The following YRDC variants were observed in gnomAD, a reference collection of about 807,000 sequenced individuals.
YRDC encodes the protein yrdC N6-threonylcarbamoyltransferase domain containing.
A neutral mutation model predicts 21.5 loss-of-function variants in YRDC; 17 were observed. That is an observed-to-expected ratio of 0.79 (90% CI 0.54 to 1.19). YRDC has a LOEUF of 1.19. Among genes scored for constraint, YRDC ranks in the 50% most tolerant of loss-of-function variants. The pLI, the probability that YRDC is intolerant of heterozygous loss-of-function variation, is 0.00. For synonymous variants in YRDC, 193 were observed against 176.7 expected (o/e 1.09, Z -0.73); for missense variants, 380 against 397.1 (o/e 0.96, Z 0.37).
chr1:37,804,911 A>G (rs1646724775), intron 3 of YRDC, among the ~76,000 whole-genome samples: 2 of 152,350 alleles, frequency 1.3e-5, no homozygotes, highest in South Asian at 4.1e-4. Context: ...CAGGACTAGG[A>G]TGATCTTTTC....
chr1:37,803,241 C>A lies in YRDC; in HGVS notation c.*684G>T, dbSNP rs1279122041. The A allele has an allele frequency of 6.6e-6, 1 of 152,234 alleles. No homozygotes were observed. The highest frequency in any genetic ancestry group is 1.5e-5 in the Non-Finnish European group (1 of 68,060). The allele number at this position is 152,234 out of a possible 1,614,324, so 9.4% of individuals were successfully genotyped here. A position where few individuals can be genotyped will look rare whatever the true frequency, so the allele number is the denominator to read the frequency against. ...CCACTATTACACCAAAAAGACTGCT[C>A]TCCCTGCGAGCAATTACAATACATG... On this transcript the variant is annotated 3_prime_UTR_variant, in exon 5 of 5. Transcript: ENST00000373044.
chr1:37,803,994 G>A lies in YRDC; in HGVS notation c.771C>T (p.Ala257=). ...GKFGIIRPGC[A]LESTTAILQQ... is the part of the protein sequence containing the mutation. ...GGAGGATGGCTGTAGTACTTTCCAG[G>A]GCACTGAGGAGGAAACAGGACAGTT... The change falls in exon 5 of 5, where the codon GCC becomes GCT. Residue 257 remains alanine, a synonymous_variant. Transcript: ENST00000373044. 6.2e-7 allele frequency: 1 copy of A among 1,614,158 alleles called. No individual in the cohort carries two copies. Among genetic ancestry groups the A allele is most frequent in the Non-Finnish European group, 8.5e-7 (1 of 1,180,022 alleles).
chr1:37,807,804 G>A lies in YRDC; in HGVS notation c.377C>T (p.Ala126Val), dbSNP rs1646750980. 16 of 1,509,144 alleles carry A rather than the reference G, an allele frequency of 1.1e-5. No individual in the cohort carries two copies. The highest frequency in any genetic ancestry group is 1.4e-5 in the Non-Finnish European group (16 of 1,133,098). 93.5% of individuals were successfully genotyped at this position (1,509,144 alleles called of 1,614,324 possible). ...KPLAVCLGRV[A>V]DVYRYCRVRV... ...GGGGCGGCCTTACCTGTAGACGTCG[G>A]CCACGCGGCCGAGGCATACGGCCAG... Residue 126 changes from alanine (A) to valine (V), a missense_variant, in exon 1 of 5, where the codon GCC becomes GTC. Ala to Val is a moderately conservative substitution (Grantham distance 64). Around this residue, in one of 3 missense-constraint regions of YRDC, gnomAD observed 238 missense variants for 236.5 expected, o/e 1.01. Transcript: ENST00000373044.
Position 37,803,989 on chromosome 1 carries a change from T to G in YRDC, c.776A>C (p.Glu259Ala). 1 of 1,614,178 alleles carries G rather than the reference T, an allele frequency of 6.2e-7. No homozygotes were observed. Reference protein sequence around the residue: ...FGIIRPGCALESTTAILQQKY... With the variant: ...FGIIRPGCALASTTAILQQKY... ...CTGTTGGAGGATGGCTGTAGTACTT[T>G]CCAGGGCACTGAGGAGGAAACAGGA... The change falls in exon 5 of 5, where the codon GAA becomes GCA. Residue 259 changes from glutamate to alanine, a missense_variant. Coordinates refer to ENST00000373044, the MANE Select transcript of YRDC (RefSeq NM_024640.4).
intron 1 of YRDC, 55 bp from the exon 2 acceptor site, chr1:37,807,270 T>TTCAA: frequency 1.3e-6 from 2 of 1,499,948 alleles, no homozygotes; most frequent in Non-Finnish European, 9.3e-7. Context: ...CTGGTGGTCC[T>TTCAA]TTCCTAGACT....
chr1:37,805,985 T>C (rs1338394989), intron 3 of YRDC, among the ~76,000 whole-genome samples: 1 of 152,140 alleles, frequency 6.6e-6, no homozygotes, highest in Non-Finnish European at 1.5e-5. Flanking sequence ...TTTTACATCT[T>C]AGTAATAAGA....
Position 37,803,240 on chromosome 1 carries a change from T to A in YRDC, c.*685A>T, listed in dbSNP as rs1320084961. The A allele has an allele frequency of 6.6e-6, 1 of 152,146 alleles. No individual in the cohort carries two copies. Among genetic ancestry groups the A allele is most frequent in the Non-Finnish European group, 1.5e-5 (1 of 68,048 alleles). 9.4% of individuals were successfully genotyped at this position (152,146 alleles called of 1,614,324 possible). A position where few individuals can be genotyped will look rare whatever the true frequency, so the allele number is the denominator to read the frequency against. On this transcript the variant is annotated 3_prime_UTR_variant, in exon 5 of 5. Transcript: ENST00000373044. ...CCCACTATTACACCAAAAAGACTGC[T>A]CTCCCTGCGAGCAATTACAATACAT...
intron 1 of YRDC, chr1:37,807,496 T>C: frequency 1.7e-6 from 1 of 587,274 alleles, no homozygotes; most frequent in South Asian, 2.3e-5. Context: ...CTTCAAGGCA[T>C]TCGCTATTAA....
In YRDC at chr1:37,807,952, G is replaced by A. The variant is rs1163762267; in HGVS notation, c.229C>T (p.Leu77=). The part of the protein sequence containing the change: ...TEALRAAVAE[L]RAGAVVAVPT... ...ACGGCCACCACGGCGCCGGCGCGCA[G>A]CTCGGCCACGGCGGCCCGCAGCGCC... Residue 77 remains leucine (L), a synonymous_variant, in exon 1 of 5, where the codon CTG becomes TTG. Coordinates refer to ENST00000373044, the MANE Select transcript of YRDC (RefSeq NM_024640.4). 5 of 1,227,522 alleles carry A rather than the reference G, an allele frequency of 4.1e-6. No homozygotes were observed. Among genetic ancestry groups the A allele is most frequent in the Non-Finnish European group, 5.1e-6 (5 of 984,980 alleles). 76.0% of individuals were successfully genotyped at this position (1,227,522 alleles called of 1,614,324 possible).
chr1:37,803,598 A>G lies in YRDC; in HGVS notation c.*327T>C. 3.9e-6 allele frequency: 1 copy of G among 257,836 alleles called. No individual in the cohort carries two copies. Among genetic ancestry groups the G allele is most frequent in the South Asian group, 7.0e-5 (1 of 14,340 alleles). The allele number at this position is 257,836 out of a possible 1,614,324, so 16.0% of individuals were successfully genotyped here. A position where few individuals can be genotyped will look rare whatever the true frequency, so the allele number is the denominator to read the frequency against. On this transcript the variant is annotated 3_prime_UTR_variant, in exon 5 of 5. Transcript: ENST00000373044. ...AGAGGAGGCTCTCACTAGATTCTAA[A>G]TCTGTTATTTAATTACTTTTCAATT...
intron 3 of YRDC, among the ~76,000 whole-genome samples, chr1:37,805,738 G>A (rs1646729770): frequency 6.6e-6 from 1 of 152,164 alleles, no homozygotes; most frequent in South Asian, 2.1e-4. Context: ...TAAGAACCCT[G>A]AGCCCCACTC....
At position 37,804,411 on chromosome 1, in the gene YRDC, C is replaced by T. The variant is rs534091980; in HGVS notation, c.658G>A (p.Val220Ile). The T allele has an allele frequency of 2.1e-5, 34 of 1,613,934 alleles. No homozygotes were observed. In the Admixed American group the frequency reaches 4.3e-4, roughly 21 times the overall value. The stretch of plus-strand genomic sequence containing the variant: ...TCCCCAATTTGTCCCCCATCAATAA[C>T]CAAGGACAACTGAGGCCAGAGATCC... ...FQDLWPQLSL[V>I]IDGGQIGDGQ... Residue 220 changes from valine to isoleucine, a missense_variant, in exon 4 of 5, where the codon GTT (valine) becomes ATT (isoleucine). This residue lies in a region of YRDC where 238 missense variants were observed against 236.5 expected (regional missense o/e 1.01). Transcript: ENST00000373044.
chr1:37,807,111 G>C lies in YRDC; in HGVS notation c.494C>G (p.Pro165Arg). 1 of 1,614,166 alleles carries C rather than the reference G, an allele frequency of 6.2e-7. No individual in the cohort carries two copies. Among genetic ancestry groups the C allele is most frequent in the Non-Finnish European group, 8.5e-7 (1 of 1,180,032 alleles). ...GAAAACTTGACTCACAGGCGTAAAA[G>C]GGTTTAGGTCCTTGTTGAGCTCCTC... ...RSEELNKDLN[P>R]FTPLVGIRIP... is the part of the protein sequence containing the mutation. Residue 165 changes from proline (P) to arginine (R), a missense_variant, in exon 2 of 5, where the codon CCT (proline) becomes CGT (arginine). By Grantham distance (103) the Pro-to-Arg change is moderately radical. Around this residue, in one of 3 missense-constraint regions of YRDC, gnomAD observed 238 missense variants for 236.5 expected, o/e 1.01. Transcript: ENST00000373044.
In YRDC at chr1:37,807,882, G is replaced by C. The variant is rs1280940856; in HGVS notation, c.299C>G (p.Ser100Trp). The C allele has an allele frequency of 6.9e-7, 1 of 1,457,662 alleles. No homozygotes were observed. The highest frequency in any genetic ancestry group is 9.1e-7 in the Non-Finnish European group (1 of 1,103,058). 90.3% of individuals were successfully genotyped at this position (1,457,662 alleles called of 1,614,324 possible). ...LYGLACAASC[S>W]AALRAVYRLK... ...GCGGTACACAGCGCGCAGAGCCGCC[G>C]AGCAGCTCGCCGCGCAGGCCAGGCC... is the stretch of plus-strand genomic sequence containing the variant. The change falls in exon 1 of 5, where the codon TCG becomes TGG. Residue 100 changes from serine to tryptophan, a missense_variant. By Grantham distance (177) the Ser-to-Trp change is radical. Around this residue, in one of 3 missense-constraint regions of YRDC, gnomAD observed 238 missense variants for 236.5 expected, o/e 1.01. Coordinates refer to ENST00000373044, the MANE Select transcript of YRDC (RefSeq NM_024640.4).
rs140873604 is a variant in YRDC at position 37,803,930 on chromosome 1, G to A, written c.835C>T (p.Leu279=). Residue 279 remains leucine (L), a synonymous_variant, in exon 5 of 5, where the codon CTG becomes TTG. Transcript: ENST00000373044. ...CCTTCCTGCTTCCCAGAGTTTCACA[G>A]GTAGGACGCATGTGAGGGGAGCAGT... ...YGLLPSHASY[L] 9 of 1,613,986 alleles carry A rather than the reference G, an allele frequency of 5.6e-6. No homozygotes were observed. Among genetic ancestry groups the A allele is most frequent in the Admixed American group, 1.7e-5 (1 of 60,012 alleles).
chr1:37,806,781 C>T, intron 3 of YRDC, 76 bp downstream of exon 3: 1 of 1,601,238 alleles, frequency 6.2e-7, no homozygotes, highest in East Asian at 2.2e-5. Context: ...TCCCAGTGTA[C>T]TATCAATGCC....
chr1:37,803,947 G>A lies in YRDC; in HGVS notation c.818C>T (p.Pro273Leu). 1.2e-6 allele frequency: 2 copies of A among 1,614,140 alleles called. No homozygotes were observed. Among genetic ancestry groups the A allele is most frequent in the Non-Finnish European group, 1.7e-6 (2 of 1,180,028 alleles). Reference sequence around the variant, plus strand: ...GTTTCACAGGTAGGACGCATGTGAGGGGAGCAGTCCGTACTTCTGTTGGAG... The same window carrying A: ...GTTTCACAGGTAGGACGCATGTGAGAGGAGCAGTCCGTACTTCTGTTGGAG... ...AILQQKYGLL[P>L]SHASYL Residue 273 changes from proline (P) to leucine (L), a missense_variant, in exon 5 of 5, where the codon CCC becomes CTC. Around this residue, in one of 3 missense-constraint regions of YRDC, gnomAD observed 238 missense variants for 236.5 expected, o/e 1.01. Transcript: ENST00000373044.
At chr1:37,807,032 G>T in intron 2 of YRDC, 56 bp from the exon 3 acceptor site, 2 of 1,613,860 alleles carry the variant, frequency 1.2e-6, no homozygotes, top group Non-Finnish European at 1.7e-6. Context: ...AAGAGGGTAA[G>T]TCTTATCTGG....
chr1:37,807,098 C>T lies in YRDC; in HGVS notation c.504+3G>A, dbSNP rs1344224786. The stretch of plus-strand genomic sequence containing the variant: ...TGGGGACACAAGAGAAAACTTGACT[C>T]ACAGGCGTAAAAGGGTTTAGGTCCT... On this transcript the variant is annotated splice_donor_region_variant and intron_variant, in intron 2 of 4. Coordinates refer to ENST00000373044, the MANE Select transcript of YRDC (RefSeq NM_024640.4). The T allele has an allele frequency of 6.2e-7, 1 of 1,614,026 alleles. No individual in the cohort carries two copies. The highest frequency in any genetic ancestry group is 1.3e-5 in the African/African-American group (1 of 74,948).
Sources: allele counts gnomAD v4.1 joint callset (sites outside exome capture counted in the v4.1 genomes callset), GRCh38; gene constraint gnomAD v4.1.1; regional missense constraint gnomAD v4.1.1; transcripts MANE v1.5; gene names NCBI Gene and HGNC (gene_info 2026-07-23, HGNC 2026-07-21).